Variants in FLRT2 observed in about 807,000 individuals in gnomAD.
The protein encoded by FLRT2 is fibronectin leucine rich transmembrane protein 2, also known as leucine-rich repeat transmembrane protein FLRT2.
FLRT2 carries 15 observed loss-of-function variants against 40.0 expected under a neutral mutation model. The ratio of observed to expected loss-of-function variants is 0.38; its 90% confidence interval spans 0.25 to 0.58. FLRT2 has a LOEUF of 0.58. Among genes scored for constraint, FLRT2 ranks in the 20% least tolerant of loss-of-function variants. The probability of loss-of-function intolerance (pLI) is 0.71; values close to 1 mark genes in which losing one functional copy is unlikely to be tolerated. For synonymous variants in FLRT2, 380 were observed against 336.8 expected, an observed-to-expected ratio of 1.13 and a Z score of -1.41; for missense variants, 726 against 840.0, an observed-to-expected ratio of 0.86 and a Z score of 1.68.
At chr14:85,592,789 C>CAAAAAAAAAA (rs34002874) in intron 1 of FLRT2, among the ~76,000 whole-genome samples, 4 of 90,660 alleles carry the variant, frequency 4.4e-5, no homozygotes, top group African/African-American at 4.7e-5. Context: ...AACTCCGTCT[C>CAAAAAAAAAA]AAAAAAAAAA....
rs1295652700 is a variant in FLRT2 at position 85,635,122 on chromosome 14, G to A, written c.*11625G>A. The A allele has an allele frequency of 6.6e-6, 1 of 152,062 alleles. No individual in the cohort carries two copies. The highest frequency in any genetic ancestry group is 2.4e-5 in the African/African-American group (1 of 41,392). The allele number at this position is 152,062 out of a possible 1,614,324, so 9.4% of individuals were successfully genotyped here. ...GTTATAATAACCTTAAACTTGATAT[G>A]TTAGGGAAGCAACCTGCATAACCAT... On this transcript the variant is annotated 3_prime_UTR_variant, in exon 2 of 2. Coordinates refer to ENST00000330753, the MANE Select transcript of FLRT2 (RefSeq NM_013231.6).
intron 1 of FLRT2, among the ~76,000 whole-genome samples, chr14:85,532,745 G>T (rs1888362651): frequency 6.6e-6 from 1 of 152,168 alleles, no homozygotes; most frequent in Non-Finnish European, 1.5e-5. Context: ...GGTGAGGAGT[G>T]GGGGGCACAT....
At chr14:85,618,744 A>C (rs1239675555) in intron 1 of FLRT2, among the ~76,000 whole-genome samples, 2 of 152,234 alleles carry the variant, frequency 1.3e-5, no homozygotes, top group African/African-American at 4.8e-5. Flanking sequence ...TGATTAAATA[A>C]GATGTTCATA....
intron 1 of FLRT2, among the ~76,000 whole-genome samples, chr14:85,603,178 A>G (rs1023314144): frequency 6.6e-6 from 1 of 152,090 alleles, no homozygotes; most frequent in African/African-American, 2.4e-5. Context: ...AATAATGTGC[A>G]AGCAAGGACT....
chr14:85,587,287 G>GAAAAAA (rs748034839), intron 1 of FLRT2, among the ~76,000 whole-genome samples: 1 of 88,218 alleles, frequency 1.1e-5, no homozygotes. Flanking sequence ...CTAAGGAATG[G>GAAAAAA]AAAAAAAAAA....
rs1375278282 is a variant in FLRT2, at chr14:85,629,106, A to T, written c.*5609A>T. On this transcript the variant is annotated 3_prime_UTR_variant, in exon 2 of 2. Transcript: ENST00000330753. The stretch of plus-strand genomic sequence containing the variant: ...GAAAAGTGTCTGTGAGCCATTAAGA[A>T]ACTCACAGATCAGGTAATAAACACT... 6.6e-6 allele frequency: 1 copy of T among 152,172 alleles called. No individual in the cohort carries two copies. Among genetic ancestry groups the T allele is most frequent in the Non-Finnish European group, 1.5e-5 (1 of 68,032 alleles). The allele number at this position is 152,172 out of a possible 1,614,324, so 9.4% of individuals were successfully genotyped here.
rs149682970 is a variant in FLRT2 at position 85,580,884 on chromosome 14, T to A, written c.-376-40255T>A. Among the ~76,000 whole-genome samples, 39 of 152,302 alleles carry A rather than the reference T, an allele frequency of 2.6e-4. 1 individual carries two copies. The East Asian group carries it at 5.2e-3, about 20-fold the overall frequency. On this transcript the variant is annotated intron_variant, in intron 1 of 1. Transcript: ENST00000330753. ...TCTAGGTGCTTTTAAAGAATAAATGTGGAAATGCAAGTAAAGTACCTGGTG... is the reference window on the plus strand; with the variant it reads ...TCTAGGTGCTTTTAAAGAATAAATGAGGAAATGCAAGTAAAGTACCTGGTG...
At position 85,621,444 on chromosome 14, in the gene FLRT2, G is replaced by A. The variant is rs1044081460; in HGVS notation, c.-71G>A. On this transcript the variant is annotated 5_prime_UTR_variant, in exon 2 of 2. Transcript: ENST00000330753. ...CAACAGAACCCCATCCAGTCATTTT[G>A]ATTTTGCTGTTTATTTTTTTTTTCT... The A allele has an allele frequency of 7.0e-7, 1 of 1,427,304 alleles. No individual in the cohort carries two copies. The highest frequency in any genetic ancestry group is 2.3e-5 in the East Asian group (1 of 43,576). 88.4% of individuals were successfully genotyped at this position (1,427,304 alleles called of 1,614,324 possible).
At chr14:85,594,468 C>G (rs575922586) in intron 1 of FLRT2, among the ~76,000 whole-genome samples, 16 of 152,114 alleles carry the variant, frequency 1.1e-4, no homozygotes, top group Non-Finnish European at 1.6e-4. Flanking sequence ...CTCACATACC[C>G]TAGGTGCGGC....
At chr14:85,545,249 T>A (rs1484907807) in intron 1 of FLRT2, among the ~76,000 whole-genome samples, 1 of 152,080 alleles carries the variant, frequency 6.6e-6, no homozygotes, top group Admixed American at 6.5e-5. Context: ...GATCGTAAGG[T>A]TTATTTAGAG....
At chr14:85,567,635 ATTTTTTTTTTT>A (rs34161461) in intron 1 of FLRT2, among the ~76,000 whole-genome samples, 1 of 75,064 alleles carries the variant, frequency 1.3e-5, no homozygotes, top group Admixed American at 1.5e-4. Flanking sequence ...AGTGACTTAC[ATTTTTTTTTTT>A]TTTTTTTTTT....
chr14:85,542,904 A>G (rs1220413924), intron 1 of FLRT2, among the ~76,000 whole-genome samples: 4 of 152,194 alleles, frequency 2.6e-5, no homozygotes, highest in Non-Finnish European at 5.9e-5. Flanking sequence ...ACTCTTTCAG[A>G]CAAGACTTTG....
intron 1 of FLRT2, among the ~76,000 whole-genome samples, chr14:85,577,648 G>A (rs1342487442): frequency 6.6e-6 from 1 of 151,772 alleles, no homozygotes; most frequent in African/African-American, 2.4e-5. Context: ...GTACAGTGGT[G>A]CCGTCATAGC....
Position 85,640,024 on chromosome 14 carries a change from A to G in FLRT2, c.*16527A>G, listed in dbSNP as rs992065027. Reference sequence around the variant, plus strand: ...CCACCACGCCTGGCTAATATTTTGTATTTTTAGTAGAGACGAGGTTTCACC... The same window carrying G: ...CCACCACGCCTGGCTAATATTTTGTGTTTTTAGTAGAGACGAGGTTTCACC... On this transcript the variant is annotated 3_prime_UTR_variant, in exon 2 of 2. Coordinates refer to ENST00000330753, the MANE Select transcript of FLRT2 (RefSeq NM_013231.6). 1 of 151,608 alleles carries G rather than the reference A, an allele frequency of 6.6e-6. No individual in the cohort carries two copies. Among genetic ancestry groups the G allele is most frequent in the Non-Finnish European group, 1.5e-5 (1 of 67,968 alleles). 9.4% of individuals were successfully genotyped at this position (151,608 alleles called of 1,614,324 possible).
At position 85,586,882 on chromosome 14, in the gene FLRT2, G is replaced by T. The variant is rs547761367; in HGVS notation, c.-376-34257G>T. 3.5e-4 allele frequency among the ~76,000 whole-genome samples: 53 copies of T among 152,280 alleles called. 1 individual carries two copies. The highest frequency in any genetic ancestry group is 5.4e-4 in the Non-Finnish European group (37 of 68,016). On this transcript the variant is annotated intron_variant, in intron 1 of 1. Transcript: ENST00000330753. ...CAGTGGGGTCATGCTATTTCTCAAA[G>T]TCAGAAGAAAGAAGTTCACATACAA... is the stretch of plus-strand genomic sequence containing the variant.
At chr14:85,587,733 G>A (rs1037287056) in intron 1 of FLRT2, among the ~76,000 whole-genome samples, 1 of 152,112 alleles carries the variant, frequency 6.6e-6, no homozygotes, top group African/African-American at 2.4e-5. Flanking sequence ...CTCATCGTTG[G>A]AAGAAGAGCT....
In FLRT2 at chr14:85,637,372, C is replaced by T. The variant is rs1894036327; in HGVS notation, c.*13875C>T. 1 of 152,152 alleles carries T rather than the reference C, an allele frequency of 6.6e-6. No homozygotes were observed. Among genetic ancestry groups the T allele is most frequent in the African/African-American group, 2.4e-5 (1 of 41,430 alleles). The allele number at this position is 152,152 out of a possible 1,614,324, so 9.4% of individuals were successfully genotyped here. A position where few individuals can be genotyped will look rare whatever the true frequency, so the allele number is the denominator to read the frequency against. On this transcript the variant is annotated 3_prime_UTR_variant, in exon 2 of 2. Transcript: ENST00000330753. ...TCATTCACTTACCAGCTGTGTTCTC[C>T]AGTCAAAAAACTTCACCTCTTTAAT...
chr14:85,560,954 T>C (rs761867313), intron 1 of FLRT2: 4 of 152,210 alleles, frequency 2.6e-5, no homozygotes, highest in Non-Finnish European at 5.9e-5. Context: ...GATAACCTTG[T>C]CACATTATCA....
intron 1 of FLRT2, among the ~76,000 whole-genome samples, chr14:85,531,715 A>G (rs1430250289): frequency 6.6e-6 from 1 of 152,124 alleles, no homozygotes; most frequent in African/African-American, 2.4e-5. Flanking sequence ...TAGCACCCCC[A>G]GCCGCGCTCC....
Sources: gnomAD v4.1 joint callset for allele counts (sites outside exome capture counted in the v4.1 genomes callset) on GRCh38, gnomAD v4.1.1 for gene constraint, MANE v1.5 for transcripts, NCBI Gene and HGNC (gene_info 2026-07-23, HGNC 2026-07-21) for gene names.